FAF1: variants seen among roughly 807,000 people sequenced by gnomAD.
The protein encoded by FAF1 is Fas associated factor 1, also known as FAS-associated factor 1.
Under a neutral mutation model 92.5 loss-of-function variants are expected in FAF1, and 25 were observed. That is an observed-to-expected ratio of 0.27 (90% CI 0.20 to 0.38). The LOEUF (loss-of-function observed/expected upper bound fraction) is 0.38, where lower values mean the gene tolerates loss of function less well. Ranked by LOEUF, FAF1 falls within the 10% of genes least tolerant of loss-of-function variation. The pLI is 1.00. For synonymous variants in FAF1, 234 were observed against 273.2 expected, an observed-to-expected ratio of 0.86 and a Z score of 1.42; for missense variants, 636 against 793.3, an observed-to-expected ratio of 0.80 and a Z score of 2.38.
At chr1:50,836,484 T>C (rs958723995) in intron 2 of FAF1, among the ~76,000 whole-genome samples, 5 of 152,154 alleles carry the variant, frequency 3.3e-5, no homozygotes, top group Admixed American at 3.3e-4. Flanking sequence ...AAATAGTAAG[T>C]TGCACTGTCC....
At chr1:50,509,104 T>C (rs1647099239) in intron 15 of FAF1, among the ~76,000 whole-genome samples, 2 of 152,198 alleles carry the variant, frequency 1.3e-5, no homozygotes, top group South Asian at 4.1e-4. Context: ...GCTGTCTTGA[T>C]GGCTACCAAG....
intron 15 of FAF1, among the ~76,000 whole-genome samples, chr1:50,532,949 C>T (rs182213253): frequency 6.8e-4 from 104 of 152,236 alleles, no homozygotes; most frequent in Non-Finnish European, 1.1e-3. Flanking sequence ...GTAGCTAGGA[C>T]TACAGGCATG....
At chr1:50,574,896 C>CTGTTTTTTTTTTGTT (rs1558000811) in intron 12 of FAF1, among the ~76,000 whole-genome samples, 2 of 122,886 alleles carry the variant, frequency 1.6e-5, no homozygotes, top group South Asian at 5.5e-4. Flanking sequence ...GTTGTATTAA[C>CTGTTTTTTTTTTGTT]TCTTTTTTTT....
intron 18 of FAF1, chr1:50,451,963 C>G (rs1015753654): frequency 4.3e-6 from 5 of 1,154,338 alleles, no homozygotes; most frequent in Non-Finnish European, 5.4e-6. Flanking sequence ...CTGTAACCTT[C>G]TCCTTGCAGT....
intron 4 of FAF1, among the ~76,000 whole-genome samples, chr1:50,786,210 T>A (rs1179881606): frequency 6.6e-6 from 1 of 152,084 alleles, no homozygotes; most frequent in Non-Finnish European, 1.5e-5. Context: ...AACCTAAATG[T>A]CCATTTATGA....
intron 15 of FAF1, among the ~76,000 whole-genome samples, chr1:50,529,383 A>G (rs1279371718): frequency 6.6e-6 from 1 of 152,208 alleles, no homozygotes; most frequent in Non-Finnish European, 1.5e-5. Flanking sequence ...CAAAACAATC[A>G]ATGCAATCAA....
At chr1:50,882,775 C>T (rs1312889735) in intron 1 of FAF1, among the ~76,000 whole-genome samples, 1 of 151,902 alleles carries the variant, frequency 6.6e-6, no homozygotes, top group Non-Finnish European at 1.5e-5. Flanking sequence ...CACCTGAGGT[C>T]AGGAGTTCAA....
rs111979165 is a variant in FAF1, at chr1:50,803,614, T to C, written c.115-1937A>G. Reference sequence around the variant, plus strand: ...AATAATAGAGGAATACAAAGAAAAGTCACCTATTCAAGACTTAAAGCAGGC... The same window carrying C: ...AATAATAGAGGAATACAAAGAAAAGCCACCTATTCAAGACTTAAAGCAGGC... On this transcript the variant is annotated intron_variant, in intron 2 of 18. Coordinates refer to ENST00000396153, the MANE Select transcript of FAF1 (RefSeq NM_007051.3). Among the ~76,000 whole-genome samples the C allele has an allele frequency of 3.0e-3, 463 of 152,180 alleles. 4 individuals are homozygous for C. Among genetic ancestry groups the C allele is most frequent in the African/African-American group, 0.011 (438 of 41,540 alleles).
intron 1 of FAF1, among the ~76,000 whole-genome samples, chr1:50,933,615 C>T (rs568648680): frequency 1.3e-4 from 20 of 152,366 alleles, no homozygotes; most frequent in Admixed American, 1.0e-3. Context: ...ACTGTTTCAA[C>T]CTCTGCCTGT....
chr1:50,475,163 T>C (rs981466146), intron 18 of FAF1, among the ~76,000 whole-genome samples: 2 of 152,202 alleles, frequency 1.3e-5, no homozygotes, highest in East Asian at 3.9e-4. Context: ...CAGATATATC[T>C]CATTTGAGGA....
intron 2 of FAF1, among the ~76,000 whole-genome samples, chr1:50,834,687 T>C (rs1644184792): frequency 6.6e-6 from 1 of 152,206 alleles, no homozygotes; most frequent in African/African-American, 2.4e-5. Context: ...AACTGATATA[T>C]GTTAGCCTCC....
rs560292438 is a variant in FAF1, at chr1:50,731,844, A to G, written c.551+7019T>C. Among the ~76,000 whole-genome samples the G allele has an allele frequency of 6.6e-5, 10 of 152,232 alleles. No homozygotes were observed. In the South Asian group the frequency reaches 2.1e-3, roughly 32 times the overall value. On this transcript the variant is annotated intron_variant, in intron 6 of 18. Transcript: ENST00000396153. ...AATTGTTTTGAAGTAAATTATCTGTAGGATCCAAATGCATGGGGGATTTGG... is the reference window on the plus strand; with the variant it reads ...AATTGTTTTGAAGTAAATTATCTGTGGGATCCAAATGCATGGGGGATTTGG...
intron 18 of FAF1, among the ~76,000 whole-genome samples, chr1:50,454,177 C>A (rs1033515698): frequency 1.3e-5 from 2 of 152,210 alleles, no homozygotes; most frequent in African/African-American, 2.4e-5. Flanking sequence ...AGGGGCTTGG[C>A]CCCAACATTG....
At chr1:50,779,494 CT>C (rs1661083397) in intron 4 of FAF1, among the ~76,000 whole-genome samples, 1 of 151,988 alleles carries the variant, frequency 6.6e-6, no homozygotes, top group Admixed American at 6.6e-5. Context: ...AGAACTGATA[CT>C]GTGTTAGCAG....
chr1:50,611,989 C>T (rs1038246291), intron 8 of FAF1, among the ~76,000 whole-genome samples: 3 of 152,152 alleles, frequency 2.0e-5, no homozygotes, highest in Non-Finnish European at 4.4e-5. Flanking sequence ...GAAGAAATTG[C>T]TTGTTTGTAG....
intron 1 of FAF1, among the ~76,000 whole-genome samples, chr1:50,887,796 T>C (rs997407938): frequency 1.3e-5 from 2 of 152,252 alleles, no homozygotes; most frequent in African/African-American, 2.4e-5. Flanking sequence ...CAGTATAGTT[T>C]CAAGTCAGGT....
At chr1:50,881,814 G>T (rs1449709643) in intron 1 of FAF1, among the ~76,000 whole-genome samples, 3 of 152,126 alleles carry the variant, frequency 2.0e-5, no homozygotes, top group Admixed American at 6.5e-5. Flanking sequence ...TAATTTTAAT[G>T]TTGAACTAAG....
At chr1:50,851,752 A>C (rs983283541) in intron 2 of FAF1, among the ~76,000 whole-genome samples, 1 of 152,212 alleles carries the variant, frequency 6.6e-6, no homozygotes, top group African/African-American at 2.4e-5. Context: ...GTGATACAAC[A>C]GGTAGAGCAA....
At chr1:50,524,058 T>TC (rs1380104613) in intron 15 of FAF1, among the ~76,000 whole-genome samples, 2 of 152,188 alleles carry the variant, frequency 1.3e-5, no homozygotes, top group Admixed American at 1.3e-4. Context: ...GCATCTATTT[T>TC]TTTTTTTTGA....
Sources: gnomAD v4.1 joint callset for allele counts (sites outside exome capture counted in the v4.1 genomes callset) on GRCh38, gnomAD v4.1.1 for gene constraint, MANE v1.5 for transcripts, NCBI Gene and HGNC (gene_info 2026-07-23, HGNC 2026-07-21) for gene names.